The following EML6 variants were observed in gnomAD, a reference collection of about 807,000 sequenced individuals.
EML6 encodes EMAP like 6, also known as echinoderm microtubule-associated protein-like 6.
A neutral mutation model predicts 240.1 loss-of-function variants in EML6; 154 were observed. The observed-to-expected ratio is 0.64, with a 90% CI of 0.56 to 0.73. The LOEUF is 0.73. Ranked by LOEUF, EML6 falls within the 30% of genes least tolerant of loss-of-function variation. EML6 has a pLI of 0.00. For missense variants in EML6, 2,964 were observed against 2,474.6 expected (o/e 1.20, Z -4.20); for synonymous variants, 1,148 against 899.0 (o/e 1.28, Z -4.95).
intron 10 of EML6, among the ~76,000 whole-genome samples, chr2:54,853,335 G>C (rs937639125): frequency 7.9e-5 from 12 of 152,004 alleles, no homozygotes; most frequent in Non-Finnish European, 1.3e-4. Flanking sequence ...TAAGTTTTTT[G>C]ATACATTCAT....
chr2:54,966,743 C>G (rs754792063), intron 38 of EML6: 8 of 247,304 alleles, frequency 3.2e-5, no homozygotes, highest in Admixed American at 5.4e-5. Context: ...CGTTGCTGGT[C>G]GGGAACCACA....
At chr2:54,918,775 G>T (rs940770897) in intron 26 of EML6, among the ~76,000 whole-genome samples, 3 of 152,148 alleles carry the variant, frequency 2.0e-5, no homozygotes, top group Non-Finnish European at 4.4e-5. Flanking sequence ...CAAATGTCTT[G>T]CCTAAAGACA....
chr2:54,736,402 G>C (rs1683392843), intron 2 of EML6, among the ~76,000 whole-genome samples: 1 of 152,180 alleles, frequency 6.6e-6, no homozygotes. Flanking sequence ...CATGGGCTCT[G>C]TCTCTAACCA....
At chr2:54,962,034 CCTT>C (rs1374779830) in intron 35 of EML6, among the ~76,000 whole-genome samples, 1 of 150,762 alleles carries the variant, frequency 6.6e-6, no homozygotes, top group Non-Finnish European at 1.5e-5. Context: ...ACTTCTCACC[CCTT>C]CTTATTTTAA....
At chr2:54,812,970 A>G (rs1667924394) in intron 2 of EML6, among the ~76,000 whole-genome samples, 1 of 152,260 alleles carries the variant, frequency 6.6e-6, no homozygotes, top group Admixed American at 6.5e-5. Flanking sequence ...TTTAAATTGA[A>G]TAATTACAAT....
At chr2:54,922,358 A>C (rs1267889868) in intron 26 of EML6, among the ~76,000 whole-genome samples, 1 of 152,140 alleles carries the variant, frequency 6.6e-6, no homozygotes, top group East Asian at 1.9e-4. Flanking sequence ...ATATCACCTC[A>C]CACCTGTTAG....
intron 2 of EML6, among the ~76,000 whole-genome samples, chr2:54,783,598 C>T (rs1022423058): frequency 1.3e-4 from 20 of 151,680 alleles, no homozygotes; most frequent in African/African-American, 4.6e-4. Context: ...AAGAATTGTC[C>T]GTGTAATTAG....
intron 6 of EML6, among the ~76,000 whole-genome samples, chr2:54,828,252 C>G (rs921366218): frequency 2.0e-5 from 3 of 152,214 alleles, no homozygotes; most frequent in African/African-American, 7.2e-5. Flanking sequence ...ACACCAGTGT[C>G]ATGAGCTCTT....
intron 2 of EML6, among the ~76,000 whole-genome samples, chr2:54,756,246 T>C (rs1177954403): frequency 6.6e-6 from 1 of 152,184 alleles, no homozygotes; most frequent in African/African-American, 2.4e-5. Flanking sequence ...TCTGTCAGGA[T>C]CCCTGCCCCT....
chr2:54,853,053 A>T (rs1032595199), intron 10 of EML6, among the ~76,000 whole-genome samples: 18 of 152,180 alleles, frequency 1.2e-4, no homozygotes, highest in African/African-American at 4.1e-4. Flanking sequence ...AGTACTTATA[A>T]ATTTAAATAA....
intron 5 of EML6, among the ~76,000 whole-genome samples, chr2:54,824,976 TGCA>T (rs1668517250): frequency 6.6e-6 from 1 of 152,246 alleles, no homozygotes; most frequent in Non-Finnish European, 1.5e-5. Flanking sequence ...TGCCATTTTC[TGCA>T]GAAAATAACA....
intron 17 of EML6, among the ~76,000 whole-genome samples, chr2:54,886,127 C>G (rs1033452931): frequency 6.7e-6 from 1 of 149,486 alleles, no homozygotes; most frequent in African/African-American, 2.5e-5. Context: ...CTACACATTG[C>G]ACAAATGTTT....
chr2:54,952,272 C>T (rs1558720299), intron 30 of EML6, among the ~76,000 whole-genome samples: 1 of 152,154 alleles, frequency 6.6e-6, no homozygotes, highest in Non-Finnish European at 1.5e-5. Context: ...GAGACTTTGA[C>T]CTTCATCATT....
At chr2:54,751,677 A>G (rs1221954323) in intron 2 of EML6, among the ~76,000 whole-genome samples, 1 of 152,112 alleles carries the variant, frequency 6.6e-6, no homozygotes, top group Non-Finnish European at 1.5e-5. Context: ...TTTAAAATTT[A>G]TTTTTCAGTT....
intron 8 of EML6, among the ~76,000 whole-genome samples, chr2:54,844,682 A>T (rs773481887): frequency 6.6e-6 from 1 of 152,226 alleles, no homozygotes; most frequent in African/African-American, 2.4e-5. Flanking sequence ...TAGCACATGA[A>T]TAAGCTATTA....
chr2:54,787,627 A>G (rs1669162381), intron 2 of EML6, among the ~76,000 whole-genome samples: 1 of 152,270 alleles, frequency 6.6e-6, no homozygotes, highest in African/African-American at 2.4e-5. Context: ...TGATTAATAA[A>G]TGCTTATGGA....
chr2:54,906,619 T>C (rs557230309), intron 24 of EML6, among the ~76,000 whole-genome samples: 1 of 151,956 alleles, frequency 6.6e-6, no homozygotes, highest in Non-Finnish European at 1.5e-5. Context: ...GGTGAGGGGG[T>C]CAGACCAAGT....
intron 2 of EML6, among the ~76,000 whole-genome samples, chr2:54,753,410 T>A (rs980518932): frequency 6.6e-6 from 1 of 152,204 alleles, no homozygotes; most frequent in Non-Finnish European, 1.5e-5. Flanking sequence ...ATGAGGAGCT[T>A]ATCCTGGATT....
In EML6 at chr2:54,850,098, A is replaced by G; in HGVS notation, c.1324A>G (p.Lys442Glu). The G allele has an allele frequency of 1.3e-6, 2 of 1,552,112 alleles. No homozygotes were observed. The highest frequency in any genetic ancestry group is 1.7e-6 in the Non-Finnish European group (2 of 1,147,068). ...VDVYAVAQRY[K>E]KIGECSKSLS... The stretch of plus-strand genomic sequence containing the variant: ...TGTCTATGCTGTTGCCCAGAGGTAT[A>G]AGAAAATTGGAGAATGCAGCAAGTC... Residue 442 changes from lysine (K) to glutamate (E), a missense_variant, in exon 10 of 42, where the codon AAG becomes GAG. Physicochemically the swap from Lys to Glu is moderately conservative, Grantham distance 56. Transcript: ENST00000356458.
Sources: allele counts gnomAD v4.1 joint callset (sites outside exome capture counted in the v4.1 genomes callset), GRCh38; gene constraint gnomAD v4.1.1; transcripts MANE v1.5; gene names NCBI Gene and HGNC (gene_info 2026-07-23, HGNC 2026-07-21).